The following DPP6 variants were observed in gnomAD, a reference collection of about 807,000 sequenced individuals.
The protein encoded by DPP6 is A-type potassium channel modulatory protein DPP6.
Under a neutral mutation model 122.6 loss-of-function variants are expected in DPP6, and 69 were observed. That is an observed-to-expected ratio of 0.56 (90% CI 0.46 to 0.69). The LOEUF (loss-of-function observed/expected upper bound fraction) is 0.69. DPP6 is among the 30% of genes least tolerant of loss of function. DPP6 has a pLI of 0.00. For synonymous variants in DPP6, 418 were observed against 433.1 expected, an observed-to-expected ratio of 0.97 and a Z score of 0.43; for missense variants, 928 against 1,116.9, an observed-to-expected ratio of 0.83 and a Z score of 2.41.
chr7:154,519,834 G>A (rs536756639), intron 3 of DPP6, among the ~76,000 whole-genome samples: 24 of 152,186 alleles, frequency 1.6e-4, no homozygotes, highest in Non-Finnish European at 2.8e-4. Flanking sequence ...AGGTGAATGT[G>A]TGGTCAAAAG....
intron 4 of DPP6, among the ~76,000 whole-genome samples, chr7:154,554,642 T>C (rs994529951): frequency 9.9e-5 from 15 of 152,176 alleles, no homozygotes; most frequent in African/African-American, 3.6e-4. Context: ...TGTAGACCAA[T>C]ATTTTTAAAG....
intron 7 of DPP6, among the ~76,000 whole-genome samples, chr7:154,677,391 G>T (rs1345842194): frequency 1.3e-5 from 2 of 151,800 alleles, no homozygotes; most frequent in African/African-American, 4.8e-5. Context: ...GAGTTGAGGG[G>T]TTTTTTTTGC....
rs548741134 is a variant in DPP6, at chr7:154,274,275, T to A, written c.244-171939T>A. On this transcript the variant is annotated intron_variant, in intron 1 of 25. Transcript: ENST00000377770. ...AACCGTATTGTCAGGTTCTAAGTTC[T>A]GAGCAGCATTTTGATTGGGATTCTA... Among the ~76,000 whole-genome samples the A allele has an allele frequency of 2.0e-5, 3 of 152,376 alleles. No individual in the cohort carries two copies. In the South Asian group the frequency reaches 6.2e-4, roughly 32 times the overall value.
chr7:154,889,691 C>T (rs116998005), intron 25 of DPP6, 161 bp downstream of exon 25: 22,389 of 1,116,030 alleles, frequency 0.02, 327 homozygotes, highest in Non-Finnish European at 0.023. Flanking sequence ...TCAGCACATG[C>T]TCAACGTTTT....
intron 1 of DPP6, among the ~76,000 whole-genome samples, chr7:154,254,617 A>G (rs1484469297): frequency 2.6e-5 from 4 of 152,074 alleles, no homozygotes. Context: ...CTTGGTTCTT[A>G]ATGTAATGAG....
chr7:153,802,531 C>A, the DPP6 span, among the ~76,000 whole-genome samples: 1 of 152,044 alleles, frequency 6.6e-6, no homozygotes, highest in African/African-American at 2.4e-5. Flanking sequence ...ATGAGCTCAT[C>A]TCCTGGCCTG....
intron 1 of DPP6, among the ~76,000 whole-genome samples, chr7:154,413,973 G>A (rs73495290): frequency 0.02 from 2,989 of 152,196 alleles, 42 homozygotes; most frequent in Middle Eastern, 0.044. Flanking sequence ...AGATATCATT[G>A]AGAATAAGTG....
At chr7:154,557,507 C>T (rs989492363) in intron 4 of DPP6, among the ~76,000 whole-genome samples, 21 of 152,124 alleles carry the variant, frequency 1.4e-4, no homozygotes, top group African/African-American at 5.1e-4. Context: ...TATTATAACC[C>T]AGTCACCGTT....
chr7:153,821,152 A>G, the DPP6 span, among the ~76,000 whole-genome samples: 1 of 152,226 alleles, frequency 6.6e-6, no homozygotes, highest in Non-Finnish European at 1.5e-5. Flanking sequence ...ATAATTAATC[A>G]CAGTAAAAGT....
At chr7:153,786,654 G>A in the DPP6 span, among the ~76,000 whole-genome samples, 1 of 149,698 alleles carries the variant, frequency 6.7e-6, no homozygotes, top group Admixed American at 6.7e-5. Flanking sequence ...CAGGAGAATG[G>A]CGTGAACCCG....
At chr7:154,063,304 G>T (rs368528469) in intron 1 of DPP6, among the ~76,000 whole-genome samples, 1 of 117,600 alleles carries the variant, frequency 8.5e-6, no homozygotes, top group Non-Finnish European at 1.8e-5. Flanking sequence ...CCCATGAGGC[G>T]GGGACTGAGA....
the DPP6 span, among the ~76,000 whole-genome samples, chr7:153,822,428 T>C: frequency 3.3e-5 from 5 of 152,104 alleles, no homozygotes; most frequent in African/African-American, 1.2e-4. Flanking sequence ...TGACCTCAAG[T>C]GATCTGCCCA....
At chr7:153,935,201 C>G (rs1470217688) in intron 1 of DPP6, among the ~76,000 whole-genome samples, 1 of 151,874 alleles carries the variant, frequency 6.6e-6, no homozygotes, top group African/African-American at 2.4e-5. Context: ...AGGGGAGCTG[C>G]AGGTCAGCAG....
chr7:154,848,555 G>T (rs751165655), intron 16 of DPP6, among the ~76,000 whole-genome samples: 1 of 152,000 alleles, frequency 6.6e-6, no homozygotes, highest in African/African-American at 2.4e-5. Context: ...TACATATTTT[G>T]GTTATTAGCC....
intron 5 of DPP6, among the ~76,000 whole-genome samples, chr7:154,628,335 T>C (rs183512183): frequency 1.5e-4 from 23 of 152,322 alleles, no homozygotes; most frequent in African/African-American, 4.3e-4. Flanking sequence ...CATGTACTCA[T>C]GAAGTTCTCT....
intron 25 of DPP6, chr7:154,891,057 C>T (rs1156988731): frequency 6.6e-6 from 1 of 152,060 alleles, no homozygotes; most frequent in Admixed American, 6.6e-5. Context: ...AGCAAGACCC[C>T]ATCTCTACAA....
At chr7:154,242,558 T>C (rs1801692502) in intron 1 of DPP6, among the ~76,000 whole-genome samples, 1 of 152,204 alleles carries the variant, frequency 6.6e-6, no homozygotes, top group East Asian at 1.9e-4. Context: ...TTTAAGGCAT[T>C]AAACAACAGG....
rs10610650 is a variant in DPP6 at position 154,406,429 on chromosome 7, GCACACA to G, written c.244-39771_244-39766del. On this transcript the variant is annotated intron_variant, in intron 1 of 25. Transcript: ENST00000377770. ...GTAGCCGGGGGATGCACACACGCAT[GCACACA>G]CACACACACACACGCACACATGCAC... 3.1e-4 allele frequency among the ~76,000 whole-genome samples: 47 copies of G among 149,732 alleles called. 1 individual carries two copies. Among genetic ancestry groups the G allele is most frequent in the African/African-American group, 5.6e-4 (23 of 40,766 alleles).
intron 25 of DPP6, 93 bp from the exon 26 acceptor site, chr7:154,892,241 C>A: frequency 6.4e-7 from 1 of 1,552,314 alleles, no homozygotes; most frequent in Non-Finnish European, 8.8e-7. Flanking sequence ...CCGGACGGGG[C>A]CCAGGTTTCA....
Sources: allele counts gnomAD v4.1 joint callset (sites outside exome capture counted in the v4.1 genomes callset), GRCh38; gene constraint gnomAD v4.1.1; transcripts MANE v1.5; gene names NCBI Gene and HGNC (gene_info 2026-07-23, HGNC 2026-07-21).